Variants in INPP1 observed in about 807,000 individuals in gnomAD.
INPP1 encodes inositol polyphosphate-1-phosphatase.
Under a neutral mutation model 23.0 loss-of-function variants are expected in INPP1, and 18 were observed. That is an observed-to-expected ratio of 0.78 (90% CI 0.54 to 1.16). INPP1 has a LOEUF of 1.16. INPP1 is among the 50% of genes most tolerant of loss of function. INPP1 has a pLI of 0.00. For missense variants in INPP1, 448 were observed against 482.1 expected, an observed-to-expected ratio of 0.93 and a Z score of 0.66; for synonymous variants, 164 against 176.3, an observed-to-expected ratio of 0.93 and a Z score of 0.55.
intron 2 of INPP1, among the ~76,000 whole-genome samples, chr2:190,351,733 T>C (rs1689327879): frequency 6.6e-6 from 1 of 152,234 alleles, no homozygotes; most frequent in African/African-American, 2.4e-5. Flanking sequence ...GTTTGGGTTA[T>C]TACCAATGTT....
Position 190,369,259 on chromosome 2 carries a change from G to A in INPP1, c.623G>A (p.Arg208Gln), listed in dbSNP as rs775457185. ...MGVINQPFVS[R>Q]DPNTLRWKGQ... is the part of the protein sequence containing the mutation. ...GTCATCAATCAACCTTTTGTGTCAC[G>A]AGATCCAAACACCCTCAGGTAAAAG... Residue 208 changes from arginine (R) to glutamine (Q), a missense_variant, in exon 6 of 7, where the codon CGA becomes CAA. Arg to Gln is a conservative substitution (Grantham distance 43). Transcript: ENST00000392329. 1.3e-5 allele frequency: 21 copies of A among 1,586,066 alleles called. No individual in the cohort carries two copies. The highest frequency in any genetic ancestry group is 3.4e-4 in the Middle Eastern group (2 of 5,964).
intron 2 of INPP1, 48 bp from the exon 3 acceptor site, chr2:190,359,991 C>A: frequency 9.3e-7 from 1 of 1,077,404 alleles, no homozygotes; most frequent in Non-Finnish European, 1.4e-6. Flanking sequence ...GGCACCCTGA[C>A]ATCACTCTCT....
rs187939172 is a variant in INPP1, at chr2:190,367,383, G to A, written c.466+488G>A. Among the ~76,000 whole-genome samples the A allele has an allele frequency of 2.0e-4, 31 of 152,188 alleles. No individual in the cohort carries two copies. Among genetic ancestry groups the A allele is most frequent in the Non-Finnish European group, 3.5e-4 (24 of 68,010 alleles). ...CAGCGATATATCCCAATTTCTAACC[G>A]TTAGCTACTAATTCAGTTAAAGAAG... On this transcript the variant is annotated intron_variant, in intron 5 of 6. Coordinates refer to ENST00000392329, the MANE Select transcript of INPP1 (RefSeq NM_001128928.2). The surrounding 1 kb of genome is among the most constrained non-coding windows in gnomAD (Gnocchi z 4.1).
chr2:190,361,672 A>G (rs1689536683), intron 3 of INPP1, among the ~76,000 whole-genome samples: 2 of 152,326 alleles, frequency 1.3e-5, no homozygotes, highest in Middle Eastern at 6.8e-3. Context: ...TTAGCTGTAT[A>G]AAATATCTTT....
At chr2:190,350,648 A>G (rs923047548) in intron 2 of INPP1, among the ~76,000 whole-genome samples, 1 of 152,232 alleles carries the variant, frequency 6.6e-6, no homozygotes, top group Non-Finnish European at 1.5e-5. Context: ...GAGCAAGTGT[A>G]GACTGACCAG....
chr2:190,349,677 G>A (rs1689289415), intron 2 of INPP1, among the ~76,000 whole-genome samples: 1 of 152,036 alleles, frequency 6.6e-6, no homozygotes, highest in African/African-American at 2.4e-5. Flanking sequence ...TGTGGCAACA[G>A]GGTTCTAAAA....
rs2067388 is a variant in INPP1 at position 190,343,845 on chromosome 2, G to A, written c.-325G>A. On this transcript the variant is annotated 5_prime_UTR_variant, in exon 1 of 7. Transcript: ENST00000392329. ...GGCCGCGCCTGCGGCCGCACGCCCA[G>A]CGCCCCTCGCCTAACCTCGCGCCCG... 1.2e-3 allele frequency: 202 copies of A among 165,420 alleles called. 2 individuals carry two copies. The highest frequency in any genetic ancestry group is 9.0e-4 in the Non-Finnish European group (68 of 75,194). The allele number at this position is 165,420 out of a possible 1,614,324, so 10.2% of individuals were successfully genotyped here.
chr2:190,358,072 A>ATTTT (rs749071988), intron 2 of INPP1, among the ~76,000 whole-genome samples: 23 of 111,410 alleles, frequency 2.1e-4, no homozygotes, highest in Non-Finnish European at 3.2e-4. Context: ...CATTAAGGGA[A>ATTTT]TTTTTTTTTT....
At position 190,362,638 on chromosome 2, in the gene INPP1, G is replaced by A. The variant is rs1251085050; in HGVS notation, c.216G>A (p.Leu72=). The A allele has an allele frequency of 6.2e-7, 1 of 1,606,614 alleles. No homozygotes were observed. Among genetic ancestry groups the A allele is most frequent in the East Asian group, 2.2e-5 (1 of 44,594 alleles). The stretch of plus-strand genomic sequence containing the variant: ...TCTGAATCATTCAGTTTCCAGGCTT[G>A]GAAAAAAATATTTTTGGAGAAGAAT... ...KQNMENKFPG[L]EKNIFGEESN... The change falls in exon 4 of 7, where the codon TTG becomes TTA. Residue 72 remains leucine (L), a synonymous_variant. Coordinates refer to ENST00000392329, the MANE Select transcript of INPP1 (RefSeq NM_001128928.2).
chr2:190,361,648 A>AATGATATTCC (rs1457993290), intron 3 of INPP1, among the ~76,000 whole-genome samples: 1 of 152,240 alleles, frequency 6.6e-6, no homozygotes, highest in Non-Finnish European at 1.5e-5. Flanking sequence ...AGCTAAAATA[A>AATGATATTCC]ATGATATTCC....
In INPP1 at chr2:190,351,738, A is replaced by G. The variant is rs191654627; in HGVS notation, c.-65+2707A>G. ...ATTGATGCTTGTTTGGGTTATTACC[A>G]ATGTTAGATTATTACAAATAATGCT... On this transcript the variant is annotated intron_variant, in intron 2 of 6. Coordinates refer to ENST00000392329, the MANE Select transcript of INPP1 (RefSeq NM_001128928.2). 3.9e-3 allele frequency among the ~76,000 whole-genome samples: 598 copies of G among 152,336 alleles called. 1 individual carries two copies. Among genetic ancestry groups the G allele is most frequent in the African/African-American group, 0.013 (550 of 41,580 alleles).
At position 190,371,536 on chromosome 2, in the gene INPP1, A is replaced by T. The variant is rs1689808125; in HGVS notation, c.*134A>T. The T allele has an allele frequency of 7.2e-6, 4 of 556,566 alleles. No homozygotes were observed. The East Asian group carries it at 1.2e-4, about 17-fold the overall frequency. The allele number at this position is 556,566 out of a possible 1,614,324, so 34.5% of individuals were successfully genotyped here. On this transcript the variant is annotated 3_prime_UTR_variant, in exon 7 of 7. Coordinates refer to ENST00000392329, the MANE Select transcript of INPP1 (RefSeq NM_001128928.2). This position sits in a 1 kb window ranked among gnomAD's most constrained non-coding sequence, Gnocchi z 5.3. Reference sequence around the variant, plus strand: ...CTCTTTTGAGGAGTATTTTTCCATTATGTATTCATAATAATGTTAATTTCA... The same window carrying T: ...CTCTTTTGAGGAGTATTTTTCCATTTTGTATTCATAATAATGTTAATTTCA...
rs1029900361 is a variant in INPP1 at position 190,345,916 on chromosome 2, C to T, written c.-209+1955C>T. Among the ~76,000 whole-genome samples, 16 of 152,172 alleles carry T rather than the reference C, an allele frequency of 1.1e-4. No individual in the cohort carries two copies. The highest frequency in any genetic ancestry group is 3.9e-4 in the African/African-American group (16 of 41,436). On this transcript the variant is annotated intron_variant, in intron 1 of 6. Coordinates refer to ENST00000392329, the MANE Select transcript of INPP1 (RefSeq NM_001128928.2). The surrounding 1 kb of genome is among the most constrained non-coding windows in gnomAD (Gnocchi z 4.9). ...GGCTGAGGCTGGAGGATCCCTGGAA[C>T]CTAGGAATCAGAGGTTGCAGTGAGC...
intron 6 of INPP1, among the ~76,000 whole-genome samples, 180 bp from the exon 7 acceptor site, chr2:190,370,664 C>T (rs1689781518): frequency 6.6e-6 from 1 of 152,182 alleles, no homozygotes; most frequent in Non-Finnish European, 1.5e-5. Flanking sequence ...CAGCTGCATG[C>T]ATATAAGTAA....
chr2:190,366,006 GCTCTGTCTCGC>G (rs1689647288), intron 4 of INPP1, among the ~76,000 whole-genome samples: 1 of 17,728 alleles, frequency 5.6e-5, no homozygotes, highest in Non-Finnish European at 9.8e-5. Flanking sequence ...TCGCTCTCTC[GCTCTGTCTCGC>G]TCTCTCTCGC....
chr2:190,353,055 G>C (rs997102968), intron 2 of INPP1, among the ~76,000 whole-genome samples: 3 of 152,204 alleles, frequency 2.0e-5, no homozygotes, highest in African/African-American at 7.2e-5. Flanking sequence ...GTCAACAGAA[G>C]TGCTTTGACC....
chr2:190,349,927 C>T (rs553389133), intron 2 of INPP1, among the ~76,000 whole-genome samples: 47 of 152,222 alleles, frequency 3.1e-4, no homozygotes, highest in Middle Eastern at 3.2e-3. Context: ...TCACTGCAAC[C>T]TCTGCCTCCC....
rs183314889 is a variant in INPP1, at chr2:190,349,758, T to G, written c.-65+727T>G. 6.7e-4 allele frequency among the ~76,000 whole-genome samples: 102 copies of G among 152,260 alleles called. 1 individual carries two copies. Among genetic ancestry groups the G allele is most frequent in the African/African-American group, 2.4e-3 (101 of 41,558 alleles). ...CACAGCAGAAAAAAAAATATCTAAATGAACAAAGTTTCTCTTTAGTGAAAA... is the reference window on the plus strand; with the variant it reads ...CACAGCAGAAAAAAAAATATCTAAAGGAACAAAGTTTCTCTTTAGTGAAAA... On this transcript the variant is annotated intron_variant, in intron 2 of 6. Coordinates refer to ENST00000392329, the MANE Select transcript of INPP1 (RefSeq NM_001128928.2).
rs537236281 is a variant in INPP1, at chr2:190,369,018, A to G, written c.467-85A>G. On this transcript the variant is annotated intron_variant, in intron 5 of 6. Transcript: ENST00000392329. Reference sequence around the variant, plus strand: ...AAAGGTAAAAAATTATTGGTTACCAAATCAGTAGAAGAGAGAAGTCATATG... The same window carrying G: ...AAAGGTAAAAAATTATTGGTTACCAGATCAGTAGAAGAGAGAAGTCATATG... 4 of 748,386 alleles carry G rather than the reference A, an allele frequency of 5.3e-6. No homozygotes were observed. In the African/African-American group the frequency reaches 7.1e-5, roughly 13 times the overall value. The allele number at this position is 748,386 out of a possible 1,614,324, so 46.4% of individuals were successfully genotyped here.
Sources: gnomAD v4.1 joint callset for allele counts (sites outside exome capture counted in the v4.1 genomes callset) on GRCh38, gnomAD v4.1.1 for gene constraint, Gnocchi (gnomAD v3.1) non-coding constraint, MANE v1.5 for transcripts, NCBI Gene and HGNC (gene_info 2026-07-23, HGNC 2026-07-21) for gene names.